TEX9: variants seen among roughly 807,000 people sequenced by gnomAD.
TEX9 encodes the protein testis-expressed protein 9.
TEX9 carries 74 observed loss-of-function variants against 59.6 expected under a neutral mutation model. The observed-to-expected ratio is 1.24, with a 90% CI of 1.03 to 1.51. The LOEUF (loss-of-function observed/expected upper bound fraction) is 1.51, where lower values mean the gene tolerates loss of function less well. Among genes scored for constraint, TEX9 ranks in the 40% most tolerant of loss-of-function variants. The pLI is 0.00. For synonymous variants in TEX9, 186 were observed against 152.2 expected, an observed-to-expected ratio of 1.22 and a Z score of -1.64; for missense variants, 522 against 447.8, an observed-to-expected ratio of 1.17 and a Z score of -1.49.
chr15:56,259,244 G>C (rs1450024999), intron 1 of TEX9, among the ~76,000 whole-genome samples: 1 of 151,942 alleles, frequency 6.6e-6, no homozygotes, highest in East Asian at 1.9e-4. Flanking sequence ...ATTCATTTAT[G>C]TATTGTCTAT....
chr15:56,401,322 A>AC (rs1163395787), intron 9 of TEX9, among the ~76,000 whole-genome samples: 4 of 150,164 alleles, frequency 2.7e-5, no homozygotes, highest in Non-Finnish European at 4.4e-5. Context: ...AAAAAAAAAA[A>AC]AAAAAAAAAA....
intron 3 of TEX9, among the ~76,000 whole-genome samples, chr15:56,377,948 A>G (rs1182261527): frequency 3.3e-5 from 5 of 152,250 alleles, no homozygotes; most frequent in South Asian, 2.1e-4. Flanking sequence ...AACTTTATCA[A>G]ATGCTTTTCC....
chr15:56,353,547 G>C (rs974958877), intron 1 of TEX9, among the ~76,000 whole-genome samples: 1 of 151,906 alleles, frequency 6.6e-6, no homozygotes, highest in African/African-American at 2.4e-5. Context: ...TAATTTAAAA[G>C]GAATCAAATA....
intron 1 of TEX9, among the ~76,000 whole-genome samples, chr15:56,347,874 G>T (rs550583912): frequency 6.1e-4 from 93 of 152,004 alleles, no homozygotes; most frequent in Non-Finnish European, 1.1e-3. Context: ...TTTTATAAAG[G>T]ATTAGTATAT....
chr15:56,456,566 T>A, the TEX9 span: 1 of 1,584,192 alleles, frequency 6.3e-7, no homozygotes, highest in African/African-American at 1.4e-5. Flanking sequence ...TAGAATCAGA[T>A]TTTTTTCATC....
intron 1 of TEX9, among the ~76,000 whole-genome samples, chr15:56,307,734 C>T (rs1391956307): frequency 6.6e-6 from 1 of 152,150 alleles, no homozygotes; most frequent in Non-Finnish European, 1.5e-5. Flanking sequence ...ATATACTTGT[C>T]ATTCTCCCCT....
At chr15:56,456,578 A>C in the TEX9 span, 8 of 1,570,988 alleles carry the variant, frequency 5.1e-6, no homozygotes, top group Non-Finnish European at 6.9e-6. Flanking sequence ...TTTTTCATCA[A>C]GGTTGAATTT....
At chr15:56,439,333 C>T (rs929143303) in intron 12 of TEX9, among the ~76,000 whole-genome samples, 9 of 151,860 alleles carry the variant, frequency 5.9e-5, no homozygotes, top group Non-Finnish European at 1.2e-4. Flanking sequence ...ATCAATTCTC[C>T]CCAAACTGAT....
chr15:56,415,417 G>A (rs145829383), intron 10 of TEX9, among the ~76,000 whole-genome samples: 22 of 152,014 alleles, frequency 1.4e-4, no homozygotes, highest in Non-Finnish European at 2.9e-4. Context: ...TTTGTATAAG[G>A]TGGAAGGAAA....
intron 2 of TEX9, among the ~76,000 whole-genome samples, chr15:56,368,258 G>A (rs1456568320): frequency 1.3e-5 from 2 of 151,878 alleles, no homozygotes; most frequent in African/African-American, 4.8e-5. Flanking sequence ...CTCCTTTAAT[G>A]TTTTAACATA....
intron 12 of TEX9, chr15:56,431,401 G>A: frequency 6.2e-7 from 1 of 1,613,114 alleles, no homozygotes; most frequent in Non-Finnish European, 8.5e-7. Context: ...TAAGTTTGTA[G>A]CATGCTCTTT....
rs1200401470 is a variant in TEX9 at position 56,375,260 on chromosome 15, A to G, written c.183+1756A>G. Among the ~76,000 whole-genome samples, 217 of 152,248 alleles carry G rather than the reference A, an allele frequency of 1.4e-3. 1 individual carries two copies. Among genetic ancestry groups the G allele is most frequent in the African/African-American group, 4.9e-3 (203 of 41,546 alleles). On this transcript the variant is annotated intron_variant, in intron 3 of 12. Transcript: ENST00000352903. ...TGGTTTTGATTTGCATTTCTCTGAT[A>G]GCCAGTGATGGTGAGCATTTTTTCA...
intron 1 of TEX9, among the ~76,000 whole-genome samples, chr15:56,251,269 G>T (rs746826233): frequency 2.8e-4 from 42 of 151,954 alleles, no homozygotes; most frequent in Non-Finnish European, 5.9e-4. Context: ...CTCTAATTAT[G>T]CCTGTAGTGT....
At chr15:56,331,271 A>T (rs1273222003) in intron 1 of TEX9, among the ~76,000 whole-genome samples, 1 of 152,224 alleles carries the variant, frequency 6.6e-6, no homozygotes, top group African/African-American at 2.4e-5. Flanking sequence ...GCAAGGAAAC[A>T]TCAGACTTAG....
intron 1 of TEX9, among the ~76,000 whole-genome samples, chr15:56,320,366 T>C (rs2045875096): frequency 6.6e-6 from 1 of 152,156 alleles, no homozygotes; most frequent in South Asian, 2.1e-4. Context: ...GGCTGGAAAG[T>C]CTCAGATCAA....
intron 1 of TEX9, among the ~76,000 whole-genome samples, chr15:56,340,987 G>C (rs2141829502): frequency 6.6e-6 from 1 of 152,228 alleles, no homozygotes; most frequent in Admixed American, 6.5e-5. Context: ...GGTCTATTTA[G>C]AATACTTAAC....
chr15:56,282,811 A>G (rs2044848547), intron 1 of TEX9, among the ~76,000 whole-genome samples: 1 of 152,128 alleles, frequency 6.6e-6, no homozygotes, highest in Admixed American at 6.6e-5. Context: ...AGTGAGGGAA[A>G]TTCAATATGC....
intron 10 of TEX9, among the ~76,000 whole-genome samples, chr15:56,422,392 C>T (rs995384421): frequency 7.3e-5 from 11 of 151,538 alleles, no homozygotes; most frequent in Non-Finnish European, 1.0e-4. Context: ...TTAGTTGGCC[C>T]GTATGTTTTC....
At chr15:56,392,692 C>T (rs1390880102) in intron 7 of TEX9, among the ~76,000 whole-genome samples, 1 of 152,114 alleles carries the variant, frequency 6.6e-6, no homozygotes, top group Non-Finnish European at 1.5e-5. Context: ...TCTGCACTTA[C>T]TATATTTACT....
Sources: gnomAD v4.1 joint callset for allele counts (sites outside exome capture counted in the v4.1 genomes callset) on GRCh38, gnomAD v4.1.1 for gene constraint, MANE v1.5 for transcripts, NCBI Gene and HGNC (gene_info 2026-07-23, HGNC 2026-07-21) for gene names.